The following HDAC9 variants were observed in gnomAD, a reference collection of about 807,000 sequenced individuals.
HDAC9 encodes histone deacetylase 9.
In HDAC9, 41 loss-of-function variants were observed where a neutral mutation model predicts 139.4. The observed-to-expected ratio is 0.29, with a 90% CI of 0.23 to 0.38. The LOEUF (loss-of-function observed/expected upper bound fraction) is 0.38. Among genes scored for constraint, HDAC9 ranks in the 10% least tolerant of loss-of-function variants. The pLI is 1.00. For synonymous variants in HDAC9, 517 were observed against 476.2 expected (o/e 1.09, Z -1.12); for missense variants, 1,147 against 1,297.0 (o/e 0.88, Z 1.78).
intron 25 of HDAC9, among the ~76,000 whole-genome samples, chr7:18,981,975 T>C (rs1230992915): frequency 6.6e-6 from 1 of 152,052 alleles, no homozygotes; most frequent in East Asian, 1.9e-4. Flanking sequence ...AAACGCCTTA[T>C]AGGCCAAGGA....
intron 22 of HDAC9, among the ~76,000 whole-genome samples, chr7:18,918,523 A>ATT (rs1803412143): frequency 6.6e-6 from 1 of 152,050 alleles, no homozygotes; most frequent in Non-Finnish European, 1.5e-5. Context: ...AGACATAAGA[A>ATT]TTTTAGACTT....
chr7:18,609,261 C>T (rs543738462), intron 6 of HDAC9, among the ~76,000 whole-genome samples: 2 of 152,260 alleles, frequency 1.3e-5, no homozygotes, highest in Admixed American at 1.3e-4. Context: ...CATGTTGCCA[C>T]TTGAAATTGA....
At chr7:18,177,465 A>G (rs1290299441) in intron 2 of HDAC9, among the ~76,000 whole-genome samples, 5 of 152,130 alleles carry the variant, frequency 3.3e-5, no homozygotes, top group Admixed American at 1.3e-4. Context: ...TTTCTCCTCA[A>G]TGAACCCCAC....
At chr7:18,573,290 G>C (rs995618363) in intron 2 of HDAC9, among the ~76,000 whole-genome samples, 1 of 152,226 alleles carries the variant, frequency 6.6e-6, no homozygotes, top group African/African-American at 2.4e-5. Flanking sequence ...TTTCATGTTT[G>C]ATAATTTAGT....
At chr7:18,880,846 G>GA (rs1480372902) in intron 22 of HDAC9, among the ~76,000 whole-genome samples, 1 of 132,066 alleles carries the variant, frequency 7.6e-6, no homozygotes, top group African/African-American at 3.5e-5. Context: ...TAGTTGCCGG[G>GA]GGGGGGGGAA....
chr7:18,251,143 T>A (rs1209176807), intron 2 of HDAC9, among the ~76,000 whole-genome samples: 1 of 152,236 alleles, frequency 6.6e-6, no homozygotes, highest in African/African-American at 2.4e-5. Context: ...AGAGAAATTA[T>A]GGTCCATATA....
intron 21 of HDAC9, among the ~76,000 whole-genome samples, chr7:18,869,296 G>A (rs534683304): frequency 6.6e-6 from 1 of 152,042 alleles, no homozygotes; most frequent in African/African-American, 2.4e-5. Context: ...CTTGGTGGGA[G>A]GTTGATTGGA....
At chr7:18,156,532 G>A (rs562257752) in intron 1 of HDAC9, among the ~76,000 whole-genome samples, 1 of 152,236 alleles carries the variant, frequency 6.6e-6, no homozygotes, top group Non-Finnish European at 1.5e-5. Context: ...CAGAATCATT[G>A]GTCAAGTTCT....
At chr7:18,608,535 A>G (rs909787246) in intron 6 of HDAC9, among the ~76,000 whole-genome samples, 3 of 152,136 alleles carry the variant, frequency 2.0e-5, no homozygotes, top group Non-Finnish European at 4.4e-5. Flanking sequence ...GTTATTTTTC[A>G]TAGAACCTTC....
rs150866899 is a variant in HDAC9 at position 18,830,674 on chromosome 7, G to A, written c.2466+1126G>A. On this transcript the variant is annotated intron_variant, in intron 19 of 25. Transcript: ENST00000686413. Reference sequence around the variant, plus strand: ...GAACGATACCCATTTGTTGTGCTTCGTTGCAATGGGTATTTTTCACACACT... The same window carrying A: ...GAACGATACCCATTTGTTGTGCTTCATTGCAATGGGTATTTTTCACACACT... Among the ~76,000 whole-genome samples, 136 of 152,268 alleles carry A rather than the reference G, an allele frequency of 8.9e-4. 1 individual carries two copies. The highest frequency in any genetic ancestry group is 3.2e-3 in the African/African-American group (132 of 41,548).
At chr7:18,150,232 AT>A (rs201638806) in intron 1 of HDAC9, among the ~76,000 whole-genome samples, 14 of 148,698 alleles carry the variant, frequency 9.4e-5, no homozygotes, top group South Asian at 2.1e-4. Context: ...ATATGTTTCT[AT>A]TTTTTTTTTG....
At chr7:18,258,995 G>T (rs1795466853) in intron 2 of HDAC9, among the ~76,000 whole-genome samples, 2 of 120,554 alleles carry the variant, frequency 1.7e-5, no homozygotes, top group Non-Finnish European at 1.6e-5. Context: ...TTTTAAACAG[G>T]GTCTCACTCT....
At chr7:18,993,567 T>C (rs980463968) in intron 25 of HDAC9, among the ~76,000 whole-genome samples, 26 of 152,160 alleles carry the variant, frequency 1.7e-4, no homozygotes, top group Admixed American at 9.2e-4. Context: ...TTTGGAAGGC[T>C]AAAGCAGGAG....
At chr7:18,675,247 T>C (rs1367719113) in intron 12 of HDAC9, among the ~76,000 whole-genome samples, 1 of 152,050 alleles carries the variant, frequency 6.6e-6, no homozygotes, top group East Asian at 1.9e-4. Flanking sequence ...GCATCGTCTT[T>C]GAGATCTATG....
At chr7:18,990,910 T>C (rs1170483647) in intron 25 of HDAC9, among the ~76,000 whole-genome samples, 1 of 152,232 alleles carries the variant, frequency 6.6e-6, no homozygotes, top group African/African-American at 2.4e-5. Flanking sequence ...GGCTCGCGCA[T>C]GGAGCGCGCA....
chr7:18,445,983 G>C (rs1250975553), intron 1 of HDAC9, among the ~76,000 whole-genome samples: 1 of 152,158 alleles, frequency 6.6e-6, no homozygotes, highest in African/African-American at 2.4e-5. Flanking sequence ...GCTCCTTAAA[G>C]AACAAAATTT....
chr7:18,911,213 C>G (rs1366059398), intron 22 of HDAC9, among the ~76,000 whole-genome samples: 1 of 148,770 alleles, frequency 6.7e-6, no homozygotes, highest in African/African-American at 2.5e-5. Context: ...TCTATTTCCT[C>G]TAGGTTTTCT....
chr7:18,176,535 A>G (rs1384801838), intron 2 of HDAC9, among the ~76,000 whole-genome samples: 2 of 152,196 alleles, frequency 1.3e-5, no homozygotes, highest in Non-Finnish European at 2.9e-5. Context: ...AGATCTTCCA[A>G]AAGCCCTGTC....
intron 2 of HDAC9, among the ~76,000 whole-genome samples, chr7:18,275,894 T>G (rs1297031173): frequency 1.3e-5 from 2 of 152,202 alleles, no homozygotes; most frequent in African/African-American, 4.8e-5. Context: ...CTTTATTGTC[T>G]GCTTCCCATG....
Sources: allele counts gnomAD v4.1 joint callset (sites outside exome capture counted in the v4.1 genomes callset), GRCh38; gene constraint gnomAD v4.1.1; transcripts MANE v1.5; gene names NCBI Gene and HGNC (gene_info 2026-07-23, HGNC 2026-07-21).